DOCK8: variants seen among roughly 807,000 people sequenced by gnomAD.
The protein encoded by DOCK8 is dedicator of cytokinesis protein 8.
In DOCK8, 141 loss-of-function variants were observed where a neutral mutation model predicts 245.6. The ratio of observed to expected loss-of-function variants is 0.57; its 90% CI spans 0.50 to 0.66. The LOEUF (loss-of-function observed/expected upper bound fraction) is 0.66, where lower values mean the gene tolerates loss of function less well. DOCK8 is among the 30% of genes least tolerant of loss of function. The pLI, the probability that DOCK8 is intolerant of heterozygous loss-of-function variation, is 0.00. For missense variants in DOCK8, 2,965 were observed against 2,603.4 expected, an observed-to-expected ratio of 1.14 and a Z score of -3.02; for synonymous variants, 1,168 against 970.2, an observed-to-expected ratio of 1.20 and a Z score of -3.79.
At chr9:305,340 T>A (rs1653620551) in intron 5 of DOCK8, among the ~76,000 whole-genome samples, 1 of 151,900 alleles carries the variant, frequency 6.6e-6, no homozygotes, top group Non-Finnish European at 1.5e-5. Context: ...TGGACTGCAG[T>A]GGCACGATCT....
intron 6 of DOCK8, among the ~76,000 whole-genome samples, chr9:313,948 A>C (rs1353457450): frequency 1.3e-5 from 2 of 152,236 alleles, no homozygotes; most frequent in Admixed American, 1.3e-4. Flanking sequence ...TTAAAAAATA[A>C]ATTAATAAAG....
chr9:354,037 A>G (rs1471288032), intron 14 of DOCK8, among the ~76,000 whole-genome samples: 1 of 152,188 alleles, frequency 6.6e-6, no homozygotes, highest in Non-Finnish European at 1.5e-5. Context: ...TTTGTGATTA[A>G]GAATATTTTT....
At chr9:395,681 C>A (rs531308561) in intron 24 of DOCK8, among the ~76,000 whole-genome samples, 1 of 152,228 alleles carries the variant, frequency 6.6e-6, no homozygotes, top group South Asian at 2.1e-4. Flanking sequence ...TAAGCAACTT[C>A]CAACAAGGAT....
chr9:273,080 G>A (rs1320997185), intron 2 of DOCK8: 2 of 985,280 alleles, frequency 2.0e-6, no homozygotes, highest in Non-Finnish European at 1.2e-6. Flanking sequence ...TACGCGCCGT[G>A]TAACTGTGAA....
intron 46 of DOCK8, 121 bp from the exon 47 acceptor site, chr9:463,396 T>C (rs367852054): frequency 2.3e-5 from 27 of 1,195,332 alleles, no homozygotes; most frequent in East Asian, 1.2e-4. Context: ...GATCCCGATA[T>C]GCCACCCAGT....
At chr9:420,369 T>G in intron 30 of DOCK8, 32 bp from the exon 31 acceptor site, 2 of 1,613,616 alleles carry the variant, frequency 1.2e-6, no homozygotes, top group Non-Finnish European at 8.5e-7. Flanking sequence ...ACTTCTTCCC[T>G]GGCCTCCATC....
At chr9:425,575 A>G (rs1366083761) in intron 33 of DOCK8, among the ~76,000 whole-genome samples, 1 of 151,320 alleles carries the variant, frequency 6.6e-6, no homozygotes, top group Non-Finnish European at 1.5e-5. Flanking sequence ...TGAGGTTAAA[A>G]TGGTAAATTT....
Position 425,745 on chromosome 9 carries a change from A to G in DOCK8, c.4242-1140A>G, listed in dbSNP as rs376258066. Among the ~76,000 whole-genome samples, 80 of 148,566 alleles carry G rather than the reference A, an allele frequency of 5.4e-4. 1 individual carries two copies. The South Asian group carries it at 0.015, about 28-fold the overall frequency. On this transcript the variant is annotated intron_variant, in intron 33 of 47. Transcript: ENST00000432829. ...GCACTCTAGCCTGGGTGATAGAGCA[A>G]GACCCTGTCTCTAAGGAAAAAAAAA...
intron 14 of DOCK8, among the ~76,000 whole-genome samples, chr9:344,421 G>T (rs934341010): frequency 6.6e-6 from 1 of 152,014 alleles, no homozygotes; most frequent in African/African-American, 2.4e-5. Context: ...TGATTAGATT[G>T]GGCTTGACAG....
intron 12 of DOCK8, 102 bp from the exon 13 acceptor site, chr9:338,904 G>T (rs911618818): frequency 2.2e-6 from 2 of 902,958 alleles, no homozygotes; most frequent in East Asian, 2.6e-5. Context: ...TGAAAGACTT[G>T]TGAGAATAAA....
At chr9:340,009 C>A in intron 13 of DOCK8, 150 bp from the exon 14 acceptor site, 1 of 762,858 alleles carries the variant, frequency 1.3e-6, no homozygotes, top group South Asian at 1.7e-5. Context: ...ACACACTTTT[C>A]TCAAGCTGTA....
At chr9:224,935 C>T (rs1042904117) in intron 1 of DOCK8, among the ~76,000 whole-genome samples, 1 of 152,286 alleles carries the variant, frequency 6.6e-6, no homozygotes, top group East Asian at 1.9e-4. Flanking sequence ...ACAAGACTAT[C>T]ACCCACCTGT....
intron 2 of DOCK8, among the ~76,000 whole-genome samples, chr9:276,642 T>TA (rs2048358579): frequency 6.6e-6 from 1 of 152,138 alleles, no homozygotes; most frequent in Admixed American, 6.5e-5. Flanking sequence ...GGCTAGTAAA[T>TA]AACCCTGTGT....
At position 429,746 on chromosome 9, in the gene DOCK8, C is replaced by T; in HGVS notation, c.4518C>T (p.Asp1506=). 1.9e-6 allele frequency: 3 copies of T among 1,614,162 alleles called. No homozygotes were observed. Among genetic ancestry groups the T allele is most frequent in the Non-Finnish European group, 2.5e-6 (3 of 1,180,046 alleles). ...LFEEEVEQCF[D]LCHQVLHHCS... ...AAGAGGAGGTGGAACAGTGTTTCGA[C>T]CTATGTCACCAAGTCCTGCACCACT... Residue 1506 remains aspartate, a synonymous_variant, in exon 36 of 48, where the codon GAC becomes GAT. Transcript: ENST00000432829.
rs775883738 is a variant in DOCK8, at chr9:463,527, G to A, written c.6079G>A (p.Ala2027Thr). The A allele has an allele frequency of 1.2e-6, 2 of 1,614,216 alleles. No homozygotes were observed. The highest frequency in any genetic ancestry group is 8.5e-7 in the Non-Finnish European group (1 of 1,180,046). Reference protein sequence around the residue: ...FKEFIMRCGEAVEKNKRLITA... With the variant: ...FKEFIMRCGETVEKNKRLITA... ...ATATTTTCATCTCAGATGTGGTGAAGCTGTAGAGAAAAACAAGCGTCTCAT... is the reference window on the plus strand; with the variant it reads ...ATATTTTCATCTCAGATGTGGTGAAACTGTAGAGAAAAACAAGCGTCTCAT... Residue 2027 changes from alanine (A) to threonine (T), a missense_variant, in exon 47 of 48, where the codon GCT becomes ACT. Ala to Thr is a moderately conservative substitution (Grantham distance 58). Around this residue, in one of 3 missense-constraint regions of DOCK8, gnomAD observed 134 missense variants for 128.1 expected, o/e 1.05. Coordinates refer to ENST00000432829, the MANE Select transcript of DOCK8 (RefSeq NM_203447.4).
intron 1 of DOCK8, among the ~76,000 whole-genome samples, chr9:226,025 A>G (rs973580357): frequency 6.6e-6 from 1 of 152,198 alleles, no homozygotes; most frequent in African/African-American, 2.4e-5. Flanking sequence ...AAAAATTTAA[A>G]TGTTATTCAA....
At chr9:327,586 A>C (rs2050820725) in intron 8 of DOCK8, among the ~76,000 whole-genome samples, 1 of 152,018 alleles carries the variant, frequency 6.6e-6, no homozygotes, top group African/African-American at 2.4e-5. Flanking sequence ...TTGTAGAGGC[A>C]GGGTTTCACC....
chr9:446,477 C>T lies in DOCK8; in HGVS notation c.5688C>T (p.Thr1896=). ...KNFNLRRFMY[T]TPFTLEGRPR... ...TCAACCTCCGGAGGTTCATGTACACCACCCCGTTCACCCTGGAGGGGCGGC... is the reference window on the plus strand; with the variant it reads ...TCAACCTCCGGAGGTTCATGTACACTACCCCGTTCACCCTGGAGGGGCGGC... The change falls in exon 44 of 48, where the codon ACC becomes ACT. Residue 1896 remains threonine, a synonymous_variant. Transcript: ENST00000432829. 6 of 1,614,200 alleles carry T rather than the reference C, an allele frequency of 3.7e-6. No homozygotes were observed. The highest frequency in any genetic ancestry group is 5.1e-6 in the Non-Finnish European group (6 of 1,180,034).
chr9:242,678 C>G (rs573057326), intron 1 of DOCK8, among the ~76,000 whole-genome samples: 7 of 152,326 alleles, frequency 4.6e-5, no homozygotes, highest in Admixed American at 1.3e-4. Context: ...AAACTCAAGT[C>G]TAGCTGAGAC....
Sources: allele counts gnomAD v4.1 joint callset (sites outside exome capture counted in the v4.1 genomes callset), GRCh38; gene constraint gnomAD v4.1.1; regional missense constraint gnomAD v4.1.1; transcripts MANE v1.5; gene names NCBI Gene and HGNC (gene_info 2026-07-23, HGNC 2026-07-21).